The following LARS2 variants were observed in gnomAD, a reference collection of about 807,000 sequenced individuals.
LARS2 encodes the protein leucine--tRNA ligase, mitochondrial.
A neutral mutation model predicts 116.6 loss-of-function variants in LARS2; 81 were observed. The ratio of observed to expected loss-of-function variants is 0.69; its 90% CI spans 0.58 to 0.84. The LOEUF is 0.84. Among genes scored for constraint, LARS2 ranks in the 40% least tolerant of loss-of-function variants. The pLI, the probability that LARS2 is intolerant of heterozygous loss-of-function variation, is 0.00. For missense variants in LARS2, 968 were observed against 1,114.5 expected (o/e 0.87, Z 1.87); for synonymous variants, 396 against 407.2 (o/e 0.97, Z 0.33).
rs377550466 is a variant in LARS2, at chr3:45,419,066, G to A, written c.456-603G>A. On this transcript the variant is annotated intron_variant, in intron 5 of 21. Transcript: ENST00000645846. ...ATTTTTAGTCTGCTAGAATCTAAAAGAGGATGCAGTAGAAATGAATTAGTC... is the reference window on the plus strand; with the variant it reads ...ATTTTTAGTCTGCTAGAATCTAAAAAAGGATGCAGTAGAAATGAATTAGTC... Among the ~76,000 whole-genome samples the A allele has an allele frequency of 2.3e-3, 345 of 152,322 alleles. 1 individual carries two copies. Among genetic ancestry groups the A allele is most frequent in the Non-Finnish European group, 2.9e-3 (196 of 68,032 alleles).
At chr3:45,389,356 C>T (rs1697898649) in intron 1 of LARS2, among the ~76,000 whole-genome samples, 1 of 152,156 alleles carries the variant, frequency 6.6e-6, no homozygotes, top group Non-Finnish European at 1.5e-5. Flanking sequence ...ATGAATGACT[C>T]CCTTCTCAAG....
chr3:45,514,498 C>T (rs997361110), intron 16 of LARS2, among the ~76,000 whole-genome samples: 11 of 152,184 alleles, frequency 7.2e-5, no homozygotes, highest in African/African-American at 2.4e-4. Context: ...AGTGTCTCTC[C>T]AGCATGGATG....
chr3:45,435,296 GGGATGGATT>G (rs1698780139), intron 6 of LARS2, among the ~76,000 whole-genome samples: 1 of 152,110 alleles, frequency 6.6e-6, no homozygotes, highest in Admixed American at 6.5e-5. Flanking sequence ...CACCAAGAGG[GGGATGGATT>G]GTTCACTAAC....
intron 20 of LARS2, among the ~76,000 whole-genome samples, chr3:45,533,566 T>C (rs1321432325): frequency 6.6e-6 from 1 of 152,216 alleles, no homozygotes; most frequent in African/African-American, 2.4e-5. Context: ...ATTTCGCCCG[T>C]TCATCTTCCT....
intron 6 of LARS2, among the ~76,000 whole-genome samples, chr3:45,444,704 G>T (rs1241608424): frequency 2.0e-5 from 3 of 146,484 alleles, no homozygotes; most frequent in African/African-American, 7.5e-5. Flanking sequence ...TTTCATTGCT[G>T]TGTAATTTTT....
chr3:45,414,289 T>C (rs1439651060), intron 4 of LARS2, among the ~76,000 whole-genome samples: 1 of 152,144 alleles, frequency 6.6e-6, no homozygotes, highest in African/African-American at 2.4e-5. Flanking sequence ...ATAAATAATA[T>C]ATTCTCAATT....
At chr3:45,413,291 G>T (rs1426288397) in intron 4 of LARS2, among the ~76,000 whole-genome samples, 1 of 152,238 alleles carries the variant, frequency 6.6e-6, no homozygotes, top group African/African-American at 2.4e-5. Flanking sequence ...GGCTGAAATT[G>T]TGGTAAGGGA....
intron 20 of LARS2, among the ~76,000 whole-genome samples, chr3:45,529,897 C>T (rs2125763203): frequency 6.6e-6 from 1 of 152,236 alleles, no homozygotes; most frequent in Non-Finnish European, 1.5e-5. Context: ...AACAGGGGCC[C>T]ATACACCTGG....
chr3:45,398,171 T>C lies in LARS2; in HGVS notation c.235-2074T>C, dbSNP rs370995447. On this transcript the variant is annotated intron_variant, in intron 3 of 21. Transcript: ENST00000645846. ...ACACTCCTTGGTAATTTCTAGAGGA[T>C]GGGCAGCACAAAGAAAAGTTCTACT... 2.1e-4 allele frequency among the ~76,000 whole-genome samples: 32 copies of C among 152,348 alleles called. No homozygotes were observed. The South Asian group carries it at 3.5e-3, about 17-fold the overall frequency.
At chr3:45,467,316 A>T (rs1212137831) in intron 8 of LARS2, among the ~76,000 whole-genome samples, 1 of 152,204 alleles carries the variant, frequency 6.6e-6, no homozygotes, top group African/African-American at 2.4e-5. Flanking sequence ...CCATTCTCTT[A>T]TGCAGAGAGA....
chr3:45,453,615 C>T (rs979170609), intron 7 of LARS2, among the ~76,000 whole-genome samples: 58 of 152,314 alleles, frequency 3.8e-4, no homozygotes, highest in Admixed American at 7.2e-4. Flanking sequence ...CAGTAACAAA[C>T]GGTAGCCTTG....
At chr3:45,488,621 G>A in intron 11 of LARS2, 76 bp from the exon 12 acceptor site, 1 of 834,106 alleles carries the variant, frequency 1.2e-6, no homozygotes, top group African/African-American at 1.7e-5. Flanking sequence ...GCTAAACCTG[G>A]GTGTCAGTAC....
At chr3:45,427,930 T>C (rs1353289705) in intron 6 of LARS2, among the ~76,000 whole-genome samples, 1 of 151,814 alleles carries the variant, frequency 6.6e-6, no homozygotes, top group Non-Finnish European at 1.5e-5. Flanking sequence ...GAAGCAATTC[T>C]CCTGCCTCAG....
At chr3:45,391,084 A>G (rs1209760041) in intron 1 of LARS2, among the ~76,000 whole-genome samples, 1 of 152,080 alleles carries the variant, frequency 6.6e-6, no homozygotes, top group African/African-American at 2.4e-5. Context: ...AATGGTTTTG[A>G]TATACAGATT....
intron 20 of LARS2, among the ~76,000 whole-genome samples, chr3:45,526,088 A>G (rs891733411): frequency 1.3e-5 from 2 of 152,250 alleles, no homozygotes; most frequent in Non-Finnish European, 2.9e-5. Context: ...AAAGATGGGA[A>G]AAACTGAAAT....
intron 3 of LARS2, among the ~76,000 whole-genome samples, chr3:45,397,099 A>G (rs1698059888): frequency 6.6e-6 from 1 of 152,224 alleles, no homozygotes; most frequent in Admixed American, 6.5e-5. Context: ...AGCTGACAAA[A>G]ATAATAGGAC....
intron 19 of LARS2, among the ~76,000 whole-genome samples, chr3:45,523,637 C>T (rs1034514546): frequency 6.6e-6 from 1 of 151,748 alleles, no homozygotes; most frequent in Non-Finnish European, 1.5e-5. Context: ...AGTGATCCTC[C>T]CACTTCAGCC....
intron 6 of LARS2, among the ~76,000 whole-genome samples, chr3:45,426,127 C>G (rs1376725540): frequency 1.3e-5 from 2 of 152,150 alleles, no homozygotes; most frequent in East Asian, 3.8e-4. Context: ...CTTCAAAGCC[C>G]GTACTACCTT....
chr3:45,533,341 G>C (rs147924072), intron 20 of LARS2, among the ~76,000 whole-genome samples: 2,029 of 151,680 alleles, frequency 0.013, 31 homozygotes, highest in African/African-American at 0.047. Context: ...TAGTAGAGAC[G>C]GGGTTTCACC....
Sources: allele counts gnomAD v4.1 joint callset (sites outside exome capture counted in the v4.1 genomes callset), GRCh38; gene constraint gnomAD v4.1.1; transcripts MANE v1.5; gene names NCBI Gene and HGNC (gene_info 2026-07-23, HGNC 2026-07-21).